PLEKHG7: variants seen among roughly 807,000 people sequenced by gnomAD.
PLEKHG7 encodes the protein pleckstrin homology domain-containing family G member 7.
PLEKHG7 carries 77 observed loss-of-function variants against 85.2 expected under a neutral mutation model. The ratio of observed to expected loss-of-function variants is 0.90; its 90% CI spans 0.75 to 1.09. PLEKHG7 has a LOEUF of 1.09. PLEKHG7 is among the 50% of genes least tolerant of loss of function. The probability of loss-of-function intolerance (pLI) is 0.00; values close to 1 mark genes in which losing one functional copy is unlikely to be tolerated. For synonymous variants in PLEKHG7, 301 were observed against 302.4 expected (o/e 1.00, Z 0.05); for missense variants, 777 against 804.3 (o/e 0.97, Z 0.41).
Position 92,721,680 on chromosome 12 carries a change from C to T in PLEKHG7, c.531-7313C>T, listed in dbSNP as rs914838735. Among the ~76,000 whole-genome samples the T allele has an allele frequency of 5.2e-5, 4 of 76,806 alleles. No individual in the cohort carries two copies. The South Asian group carries it at 1.1e-3, about 22-fold the overall frequency. 50.4% of individuals were successfully genotyped at this position (76,806 alleles called of 152,430 possible). On this transcript the variant is annotated intron_variant, in intron 3 of 16. Transcript: ENST00000344636. Reference sequence around the variant, plus strand: ...CCAAAGCTTGTCCTGAAGCAAAGAACCAGAATAGCCAAGCATAAAACCAAA... The same window carrying T: ...CCAAAGCTTGTCCTGAAGCAAAGAATCAGAATAGCCAAGCATAAAACCAAA...
At chr12:92,724,935 T>C (rs1180144036) in intron 3 of PLEKHG7, among the ~76,000 whole-genome samples, 1 of 152,104 alleles carries the variant, frequency 6.6e-6, no homozygotes, top group African/African-American at 2.4e-5. Context: ...CATTATCTAT[T>C]ATTACAATAA....
intron 7 of PLEKHG7, among the ~76,000 whole-genome samples, chr12:92,738,065 C>T (rs951017654): frequency 7.2e-5 from 11 of 152,164 alleles, no homozygotes; most frequent in Non-Finnish European, 1.0e-4. Flanking sequence ...CTTGCTCCCT[C>T]GTGAACAGTA....
intron 10 of PLEKHG7, among the ~76,000 whole-genome samples, chr12:92,749,994 A>G (rs1166200713): frequency 8.3e-6 from 1 of 120,122 alleles, no homozygotes; most frequent in Non-Finnish European, 1.7e-5. Context: ...TTATTATTTT[A>G]TTTTATTATT....
intron 10 of PLEKHG7, among the ~76,000 whole-genome samples, chr12:92,751,921 G>A (rs1872701791): frequency 6.6e-6 from 1 of 151,992 alleles, no homozygotes; most frequent in African/African-American, 2.4e-5. Context: ...AAAGGCTGAG[G>A]TGGGAGGACT....
intron 16 of PLEKHG7, 91 bp downstream of exon 16, chr12:92,769,171 G>GTGTTTTTCTCTCA: frequency 9.8e-7 from 1 of 1,020,910 alleles, no homozygotes; most frequent in Non-Finnish European, 1.4e-6. Context: ...GGAAAGTTTT[G>GTGTTTTTCTCTCA]TGTTTTTCTC....
At chr12:92,741,049 A>G in intron 8 of PLEKHG7, 101 bp downstream of exon 8, 6 of 750,080 alleles carry the variant, frequency 8.0e-6, no homozygotes, top group East Asian at 2.6e-5. Flanking sequence ...ATACATCTCC[A>G]TATTCCATTC....
chr12:92,729,258 A>C, intron 4 of PLEKHG7, 138 bp downstream of exon 4: 2 of 1,066,518 alleles, frequency 1.9e-6, no homozygotes, highest in Non-Finnish European at 2.4e-6. Context: ...ACCAATTACA[A>C]CGGGCACCAG....
intron 5 of PLEKHG7, 90 bp downstream of exon 5, chr12:92,732,363 T>C: frequency 1.3e-6 from 1 of 776,968 alleles, no homozygotes; most frequent in Non-Finnish European, 1.7e-6. Flanking sequence ...TCATTCTGCT[T>C]TATCTTTGTA....
intron 4 of PLEKHG7, among the ~76,000 whole-genome samples, chr12:92,730,420 G>T (rs1871948958): frequency 6.6e-6 from 1 of 152,212 alleles, no homozygotes; most frequent in Admixed American, 6.5e-5. Flanking sequence ...CTGAGAAGTT[G>T]TTAGAAATGC....
intron 3 of PLEKHG7, among the ~76,000 whole-genome samples, chr12:92,715,332 C>G (rs1871451382): frequency 6.6e-6 from 1 of 152,094 alleles, no homozygotes; most frequent in African/African-American, 2.4e-5. Context: ...TCTGCCTTCC[C>G]CCGCCCACTG....
rs1008306727 is a variant in PLEKHG7 at position 92,721,603 on chromosome 12, T to C, written c.531-7390T>C. Reference sequence around the variant, plus strand: ...AAGCCAGTGGAAGGGTGTCCTGCTCTAGAGAGCTGCAAAGTCTGGGTCAGA... The same window carrying C: ...AAGCCAGTGGAAGGGTGTCCTGCTCCAGAGAGCTGCAAAGTCTGGGTCAGA... On this transcript the variant is annotated intron_variant, in intron 3 of 16. Coordinates refer to ENST00000344636, the MANE Select transcript of PLEKHG7 (RefSeq NM_001377329.1). 311 of 1,126,984 alleles carry C rather than the reference T, an allele frequency of 2.8e-4. 2 individuals carry two copies. The East Asian group carries it at 0.01, about 37-fold the overall frequency. The allele number at this position is 1,126,984 out of a possible 1,614,324, so 69.8% of individuals were successfully genotyped here. A position where few individuals can be genotyped will look rare whatever the true frequency, so the allele number is the denominator to read the frequency against.
chr12:92,757,237 G>A (rs1872861065), intron 13 of PLEKHG7, among the ~76,000 whole-genome samples: 1 of 152,230 alleles, frequency 6.6e-6, no homozygotes, highest in Non-Finnish European at 1.5e-5. Context: ...ACCAACGGAT[G>A]TGTAAGCACT....
chr12:92,730,521 G>T (rs1871953170), intron 4 of PLEKHG7, among the ~76,000 whole-genome samples: 1 of 152,154 alleles, frequency 6.6e-6, no homozygotes, highest in Admixed American at 6.5e-5. Flanking sequence ...GTTTGTTGTG[G>T]TGGTGGTGGT....
chr12:92,756,742 A>G (rs1592687078), intron 13 of PLEKHG7, among the ~76,000 whole-genome samples: 1 of 152,354 alleles, frequency 6.6e-6, no homozygotes, highest in Non-Finnish European at 1.5e-5. Context: ...GAGCCAGACA[A>G]TCAAGCTCTC....
chr12:92,761,658 G>GAAAGAAAGAAA (rs1873027306), intron 13 of PLEKHG7, 94 bp from the exon 14 acceptor site: 13 of 1,301,364 alleles, frequency 1.0e-5, no homozygotes, highest in Non-Finnish European at 1.3e-5. Flanking sequence ...AAGAAAGAAA[G>GAAAGAAAGAAA]AAAGAAAGAA....
rs1871251538 is a variant in PLEKHG7, at chr12:92,706,968, GA to G, written c.340del (p.Arg114GlyfsTer3). 1 of 1,614,042 alleles carries G rather than the reference GA, an allele frequency of 6.2e-7. No individual in the cohort carries two copies. The highest frequency in any genetic ancestry group is 1.3e-5 in the African/African-American group (1 of 74,930). ...CCACTCAAGATTGACCTCTGAACCTGAAAGGGCCCTGAATGCAGCTGACTCA... is the reference window on the plus strand; with the variant it reads ...CCACTCAAGATTGACCTCTGAACCTGAAGGGCCCTGAATGCAGCTGACTCA... Reference protein sequence around the residue: ...RLHSRLTSEPERALNAADSLE... With the variant: ...RLHSRLTSEPXRALNAADSLE... On this transcript the variant is annotated frameshift_variant, in exon 2 of 17. Coordinates refer to ENST00000344636, the MANE Select transcript of PLEKHG7 (RefSeq NM_001377329.1). LOFTEE classifies it high-confidence loss of function.
intron 3 of PLEKHG7, among the ~76,000 whole-genome samples, chr12:92,717,780 A>T (rs1229138158): frequency 6.6e-6 from 1 of 152,080 alleles, no homozygotes; most frequent in African/African-American, 2.4e-5. Flanking sequence ...GTGTAAGTTC[A>T]CTCTGTGATG....
chr12:92,761,643 A>AAAG (rs1873020994), intron 13 of PLEKHG7, 109 bp from the exon 14 acceptor site: 2 of 533,052 alleles, frequency 3.8e-6, no homozygotes, highest in Non-Finnish European at 5.3e-6. Context: ...AGAAAGAAAG[A>AAAG]AAGAAAGAAA....
chr12:92,730,444 C>G (rs549240133), intron 4 of PLEKHG7, among the ~76,000 whole-genome samples: 1 of 152,200 alleles, frequency 6.6e-6, no homozygotes, highest in South Asian at 2.1e-4. Flanking sequence ...TTCCAGGCTG[C>G]CCACCCCCAA....
Sources: allele counts gnomAD v4.1 joint callset (sites outside exome capture counted in the v4.1 genomes callset), GRCh38; gene constraint gnomAD v4.1.1; transcripts MANE v1.5; gene names NCBI Gene and HGNC (gene_info 2026-07-23, HGNC 2026-07-21).